The following ZFHX4 variants were observed in gnomAD, a reference collection of about 807,000 sequenced individuals.
The protein encoded by ZFHX4 is zinc finger homeobox 4.
A neutral mutation model predicts 267.6 loss-of-function variants in ZFHX4; 56 were observed. The observed-to-expected ratio is 0.21, with a 90% CI of 0.17 to 0.26. The LOEUF (loss-of-function observed/expected upper bound fraction) is 0.26. Among genes scored for constraint, ZFHX4 ranks in the 10% least tolerant of loss-of-function variants. ZFHX4 has a pLI of 1.00. For synonymous variants in ZFHX4, 1,778 were observed against 1,665.6 expected (o/e 1.07, Z -1.64); for missense variants, 4,332 against 4,420.0 (o/e 0.98, Z 0.56).
In ZFHX4 at chr8:76,863,653, T is replaced by C. The variant is rs1170576347; in HGVS notation, c.9939T>C (p.Gly3313=). Reference sequence around the variant, plus strand: ...AGACACTGGCAGGTCTGTCCCCAGGTGCACTGTTGCAGCAGTACCAACAGT... The same window carrying C: ...AGACACTGGCAGGTCTGTCCCCAGGCGCACTGTTGCAGCAGTACCAACAGT... ...MPQTLAGLSP[G]ALLQQYQQYQ... The change falls in exon 11 of 11, where the codon GGT becomes GGC. Residue 3313 remains glycine (G), a synonymous_variant. Coordinates refer to ENST00000651372, the MANE Select transcript of ZFHX4 (RefSeq NM_024721.5). The C allele has an allele frequency of 1.2e-6, 2 of 1,610,366 alleles. No homozygotes were observed. The highest frequency in any genetic ancestry group is 2.2e-5 in the South Asian group (2 of 90,864).
chr8:76,696,634 C>CA (rs34436337), intron 1 of ZFHX4, among the ~76,000 whole-genome samples: 1,142 of 101,890 alleles, frequency 0.011, 7 homozygotes, highest in Middle Eastern at 0.021. Flanking sequence ...ACTTTCAGGC[C>CA]AAAAAAAAAA....
chr8:76,702,808 G>A (rs1297302951), intron 1 of ZFHX4, among the ~76,000 whole-genome samples: 1 of 152,150 alleles, frequency 6.6e-6, no homozygotes, highest in Non-Finnish European at 1.5e-5. Context: ...AATCAAGACA[G>A]TGCCTATGTT....
rs368790727 is a variant in ZFHX4 at position 76,792,405 on chromosome 8, G to A, written c.3325+13966G>A. 7.2e-5 allele frequency among the ~76,000 whole-genome samples: 11 copies of A among 152,190 alleles called. No individual in the cohort carries two copies. The South Asian group carries it at 1.2e-3, about 17-fold the overall frequency. ...CTCTTTTGACTATTGCTTCAGTTTCGCAAGATTTGTGCCTCAAGGAGCAAA... is the reference window on the plus strand; with the variant it reads ...CTCTTTTGACTATTGCTTCAGTTTCACAAGATTTGTGCCTCAAGGAGCAAA... On this transcript the variant is annotated intron_variant, in intron 4 of 10. Transcript: ENST00000651372.
At position 76,853,828 on chromosome 8, in the gene ZFHX4, C is replaced by G. The variant is rs1342470668; in HGVS notation, c.6907C>G (p.Arg2303Gly). 2 of 1,613,848 alleles carry G rather than the reference C, an allele frequency of 1.2e-6. No individual in the cohort carries two copies. The highest frequency in any genetic ancestry group is 1.7e-6 in the Non-Finnish European group (2 of 1,179,846). ...TGAAAAAAGAGAACTCACTAATGAA[C>G]GGTACATTCGAACAAGCAACATGCA... The part of the protein sequence containing the change: ...DNEKRELTNE[R>G]YIRTSNMQYQ... The change falls in exon 10 of 11, where the codon CGG becomes GGG. Residue 2303 changes from arginine to glycine, a missense_variant. Arg to Gly is a moderately radical substitution (Grantham distance 125). This residue lies in a region of ZFHX4 where 1,648 missense variants were observed against 1,625.0 expected (regional missense o/e 1.01). Transcript: ENST00000651372.
chr8:76,799,000 G>T (rs1336838764), intron 4 of ZFHX4, among the ~76,000 whole-genome samples: 1 of 152,062 alleles, frequency 6.6e-6, no homozygotes, highest in Non-Finnish European at 1.5e-5. Flanking sequence ...ACAATATAAA[G>T]TCATCTTTCT....
At chr8:76,752,884 C>T (rs1468819383) in intron 3 of ZFHX4, among the ~76,000 whole-genome samples, 1 of 152,086 alleles carries the variant, frequency 6.6e-6, no homozygotes. Context: ...ATTACTTTTT[C>T]GTGAATTGTA....
intron 3 of ZFHX4, among the ~76,000 whole-genome samples, chr8:76,716,550 A>G (rs1275248460): frequency 6.6e-6 from 1 of 151,360 alleles, no homozygotes; most frequent in African/African-American, 2.4e-5. Context: ...CCTAGCCCAC[A>G]TTAATAAGGT....
At chr8:76,823,128 T>G (rs1252578309) in intron 4 of ZFHX4, among the ~76,000 whole-genome samples, 1 of 147,888 alleles carries the variant, frequency 6.8e-6, no homozygotes, top group African/African-American at 2.6e-5. Context: ...CTATAGTGTC[T>G]CCTTTTTTTT....
rs557428263 is a variant in ZFHX4 at position 76,848,863 on chromosome 8, A to G, written c.3512-132A>G. The stretch of plus-strand genomic sequence containing the variant: ...GTTCTTATTGCCTTTTGAGATTAGC[A>G]TTATTTAAAATGCTTGTCGGTTCTT... On this transcript the variant is annotated intron_variant, in intron 6 of 10. Coordinates refer to ENST00000651372, the MANE Select transcript of ZFHX4 (RefSeq NM_024721.5). 6.1e-6 allele frequency: 5 copies of G among 813,610 alleles called. No individual in the cohort carries two copies. In the South Asian group the frequency reaches 1.3e-4, roughly 21 times the overall value. The allele number at this position is 813,610 out of a possible 1,614,324, so 50.4% of individuals were successfully genotyped here.
intron 4 of ZFHX4, among the ~76,000 whole-genome samples, chr8:76,787,888 G>A (rs1327846025): frequency 6.6e-6 from 1 of 151,938 alleles, no homozygotes; most frequent in African/African-American, 2.4e-5. Flanking sequence ...TAATAATGAT[G>A]ATGATGATGA....
intron 4 of ZFHX4, among the ~76,000 whole-genome samples, chr8:76,824,386 C>T (rs138177718): frequency 1.1e-3 from 167 of 152,046 alleles, no homozygotes; most frequent in African/African-American, 3.7e-3. Context: ...ATTTGTAGGC[C>T]TATATATTCT....
chr8:76,704,884 G>T lies in ZFHX4; in HGVS notation c.796G>T (p.Asp266Tyr). ...VPNNVDLSKF[D>Y]GCVSDGKRKP... ...TAACAATGTGGACTTGTCCAAATTC[G>T]ATGGTTGTGTTAGCGATGGGAAAAG... The change falls in exon 2 of 11, where the codon GAT (aspartate) becomes TAT (tyrosine). Residue 266 changes from aspartate to tyrosine, a missense_variant. Coordinates refer to ENST00000651372, the MANE Select transcript of ZFHX4 (RefSeq NM_024721.5). 1.2e-6 allele frequency: 2 copies of T among 1,614,180 alleles called. No individual in the cohort carries two copies. Among genetic ancestry groups the T allele is most frequent in the Non-Finnish European group, 1.7e-6 (2 of 1,180,032 alleles).
intron 3 of ZFHX4, among the ~76,000 whole-genome samples, chr8:76,718,586 C>CT (rs773744883): frequency 1.4e-4 from 22 of 152,132 alleles, no homozygotes; most frequent in South Asian, 1.0e-3. Context: ...TTACAAATAA[C>CT]TTTTTTTCAG....
chr8:76,704,654 C>T lies in ZFHX4; in HGVS notation c.566C>T (p.Pro189Leu). The stretch of plus-strand genomic sequence containing the variant: ...GCTTCTGCACCTATGTCGTTCTACC[C>T]ACAGATCATCAACACTTTTCATATC... ...QSASAPMSFYPQIINTFHIAS... is the reference protein window; with the variant it reads ...QSASAPMSFYLQIINTFHIAS... The change falls in exon 2 of 11, where the codon CCA (proline) becomes CTA (leucine). Residue 189 changes from proline to leucine, a missense_variant. Physicochemically the swap from Pro to Leu is moderately conservative, Grantham distance 98. Around this residue, in one of 7 missense-constraint regions of ZFHX4, gnomAD observed 1,195 missense variants for 1,173.6 expected, o/e 1.02. Coordinates refer to ENST00000651372, the MANE Select transcript of ZFHX4 (RefSeq NM_024721.5). The T allele has an allele frequency of 6.2e-7, 1 of 1,614,042 alleles. No homozygotes were observed. The highest frequency in any genetic ancestry group is 8.5e-7 in the Non-Finnish European group (1 of 1,179,900).
intron 4 of ZFHX4, among the ~76,000 whole-genome samples, chr8:76,797,900 G>C (rs976607720): frequency 6.6e-6 from 1 of 151,482 alleles, no homozygotes; most frequent in African/African-American, 2.4e-5. Flanking sequence ...GTGTGTGTGT[G>C]TGTGTGTGTG....
At chr8:76,817,219 A>G (rs147975498) in intron 4 of ZFHX4, among the ~76,000 whole-genome samples, 4 of 152,326 alleles carry the variant, frequency 2.6e-5, no homozygotes, top group South Asian at 2.1e-4. Context: ...CTTAAAAGAA[A>G]TAAAATCCCT....
chr8:76,861,466 C>A (rs1812865233), intron 10 of ZFHX4, among the ~76,000 whole-genome samples: 1 of 152,114 alleles, frequency 6.6e-6, no homozygotes, highest in Non-Finnish European at 1.5e-5. Context: ...ATCATGTAAA[C>A]TCCTTAGAGT....
chr8:76,840,231 A>G (rs1812199771), intron 5 of ZFHX4, among the ~76,000 whole-genome samples: 1 of 152,188 alleles, frequency 6.6e-6, no homozygotes, highest in Non-Finnish European at 1.5e-5. Context: ...GAGGCATTGC[A>G]GGCAAATCCA....
chr8:76,751,716 T>G (rs1243998125), intron 3 of ZFHX4, among the ~76,000 whole-genome samples: 2 of 152,226 alleles, frequency 1.3e-5, no homozygotes, highest in African/African-American at 4.8e-5. Flanking sequence ...TTTTTATTTG[T>G]AATATGATCT....
Sources: gnomAD v4.1 joint callset for allele counts (sites outside exome capture counted in the v4.1 genomes callset) on GRCh38, gnomAD v4.1.1 for gene constraint, gnomAD v4.1.1 regional missense constraint, MANE v1.5 for transcripts, NCBI Gene and HGNC (gene_info 2026-07-23, HGNC 2026-07-21) for gene names.